DGKH: variants seen among roughly 807,000 people sequenced by gnomAD.
DGKH encodes DAG kinase eta.
In DGKH, 90 loss-of-function variants were observed where a neutral mutation model predicts 159.3. The observed-to-expected ratio is 0.57, with a 90% CI of 0.48 to 0.67. The LOEUF (loss-of-function observed/expected upper bound fraction) is 0.67. DGKH is among the 30% of genes least tolerant of loss of function. The pLI is 0.00. For synonymous variants in DGKH, 536 were observed against 553.8 expected, an observed-to-expected ratio of 0.97 and a Z score of 0.45; for missense variants, 1,181 against 1,506.1, an observed-to-expected ratio of 0.78 and a Z score of 3.57.
At chr13:42,203,797 C>T (rs760891660) in intron 20 of DGKH, among the ~76,000 whole-genome samples, 19 of 152,052 alleles carry the variant, frequency 1.2e-4, no homozygotes, top group Non-Finnish European at 2.4e-4. Flanking sequence ...GGCACCACTA[C>T]ATTCTATCCT....
At chr13:42,047,140 CCTCT>C (rs939229419), upstream of DGKH, among the ~76,000 whole-genome samples, 2 of 152,190 alleles carry the variant, frequency 1.3e-5, no homozygotes, top group Non-Finnish European at 2.9e-5. Flanking sequence ...GCAGAAATAG[CCTCT>C]CTGTTATTAT....
At position 42,168,526 on chromosome 13, in the gene DGKH, A is replaced by G. The variant is rs1251206151; in HGVS notation, c.1205A>G (p.Asp402Gly). 1.2e-6 allele frequency: 2 copies of G among 1,614,160 alleles called. No individual in the cohort carries two copies. Among genetic ancestry groups the G allele is most frequent in the Non-Finnish European group, 8.5e-7 (1 of 1,180,004 alleles). The stretch of plus-strand genomic sequence containing the variant: ...GTAGGTTGGGTTTTGTCAGAAATCG[A>G]TAAGCTCAACTTGAATAAACAGGCA... Reference protein sequence around the residue: ...GSVGWVLSEIDKLNLNKQCQL... With the variant: ...GSVGWVLSEIGKLNLNKQCQL... Residue 402 changes from aspartate to glycine, a missense_variant, in exon 10 of 30, where the codon GAT becomes GGT. By Grantham distance (94) the Asp-to-Gly change is moderately conservative. Around this residue, in one of 5 missense-constraint regions of DGKH, gnomAD observed 369 missense variants for 519.4 expected, o/e 0.71. Coordinates refer to ENST00000337343, the MANE Select transcript of DGKH (RefSeq NM_178009.5).
chr13:42,095,701 A>AAT (rs1218477657), intron 1 of DGKH, among the ~76,000 whole-genome samples: 1 of 152,198 alleles, frequency 6.6e-6, no homozygotes, highest in Non-Finnish European at 1.5e-5. Context: ...TATCTATGTG[A>AAT]ATATATATTT....
At chr13:42,097,710 A>G (rs1477636360) in intron 1 of DGKH, among the ~76,000 whole-genome samples, 2 of 152,180 alleles carry the variant, frequency 1.3e-5, no homozygotes, top group East Asian at 1.9e-4. Flanking sequence ...GACCCTCTCC[A>G]GAATAAACCT....
At chr13:42,045,858 T>C (rs7320701), upstream of DGKH, among the ~76,000 whole-genome samples, 27,503 of 152,220 alleles carry the variant, frequency 0.18, 2,682 homozygotes, top group East Asian at 0.31. Context: ...CCTTTTGTTA[T>C]GAGTAGTGAT....
rs776066333 is a variant in DGKH, at chr13:42,129,544, A to G, written c.304-8A>G. The G allele has an allele frequency of 9.3e-6, 15 of 1,606,160 alleles. No homozygotes were observed. The South Asian group carries it at 1.3e-4, about 14-fold the overall frequency. On this transcript the variant is annotated splice_polypyrimidine_tract_variant and splice_region_variant and intron_variant, in intron 2 of 29. Coordinates refer to ENST00000337343, the MANE Select transcript of DGKH (RefSeq NM_178009.5). ...CTAATGTCTTTGTATGTTTTTTTTCATTAACAGTCTCTGATATTTGATGAA... is the reference window on the plus strand; with the variant it reads ...CTAATGTCTTTGTATGTTTTTTTTCGTTAACAGTCTCTGATATTTGATGAA...
chr13:42,152,997 A>C (rs185516710), intron 3 of DGKH, among the ~76,000 whole-genome samples: 60 of 152,300 alleles, frequency 3.9e-4, no homozygotes, highest in African/African-American at 1.1e-3. Context: ...AAATCTAATC[A>C]GTAGATTTCT....
chr13:42,232,960 C>A lies in DGKH; in HGVS notation c.*3772C>A, dbSNP rs915039724. 3.4e-5 allele frequency: 5 copies of A among 149,218 alleles called. 1 individual carries two copies. The highest frequency in any genetic ancestry group is 2.8e-4 in the Admixed American group (4 of 14,496). The allele number at this position is 149,218 out of a possible 1,614,324, so 9.2% of individuals were successfully genotyped here. A position where few individuals can be genotyped will look rare whatever the true frequency, so the allele number is the denominator to read the frequency against. On this transcript the variant is annotated 3_prime_UTR_variant, in exon 30 of 30. Transcript: ENST00000337343. Reference sequence around the variant, plus strand: ...CCTCGGCAACATAGTGAGACCCTGTCTCTGAAAAAAAATTTTTTTAACTAG... The same window carrying A: ...CCTCGGCAACATAGTGAGACCCTGTATCTGAAAAAAAATTTTTTTAACTAG...
chr13:42,104,185 C>T (rs1201831540), intron 1 of DGKH, among the ~76,000 whole-genome samples: 1 of 152,160 alleles, frequency 6.6e-6, no homozygotes, highest in African/African-American at 2.4e-5. Context: ...ATATCCCAGT[C>T]CAAGGAAAGC....
Position 42,168,525 on chromosome 13 carries a change from G to A in DGKH, c.1204G>A (p.Asp402Asn). 6.2e-7 allele frequency: 1 copy of A among 1,614,108 alleles called. No individual in the cohort carries two copies. The highest frequency in any genetic ancestry group is 2.2e-5 in the East Asian group (1 of 44,882). Residue 402 changes from aspartate (D) to asparagine (N), a missense_variant, in exon 10 of 30, where the codon GAT becomes AAT. Transcript: ENST00000337343. The stretch of plus-strand genomic sequence containing the variant: ...TGTAGGTTGGGTTTTGTCAGAAATC[G>A]ATAAGCTCAACTTGAATAAACAGGC... ...GSVGWVLSEI[D>N]KLNLNKQCQL...
At chr13:42,219,945 T>A in intron 28 of DGKH, 151 bp downstream of exon 28, 1 of 621,922 alleles carries the variant, frequency 1.6e-6, no homozygotes, top group Non-Finnish European at 2.7e-6. Context: ...TTCTATGCTT[T>A]AAAATGGTTA....
intron 7 of DGKH, among the ~76,000 whole-genome samples, chr13:42,163,345 C>A (rs558426834): frequency 7.9e-4 from 120 of 152,176 alleles, no homozygotes; most frequent in Middle Eastern, 3.4e-3. Flanking sequence ...GTCTTTATAG[C>A]AGCATGATTT....
intron 24 of DGKH, 94 bp downstream of exon 24, chr13:42,210,859 T>C: frequency 8.8e-7 from 1 of 1,140,542 alleles, no homozygotes; most frequent in South Asian, 1.6e-5. Flanking sequence ...AGTAGTGGTA[T>C]CAAAAAGAGA....
chr13:42,109,844 A>T (rs532725142), intron 1 of DGKH, among the ~76,000 whole-genome samples: 3 of 152,334 alleles, frequency 2.0e-5, no homozygotes, highest in East Asian at 1.9e-4. Flanking sequence ...AGATATTTTT[A>T]AAAAATCTAC....
At chr13:42,076,359 C>G (rs1410911666) in intron 1 of DGKH, among the ~76,000 whole-genome samples, 1 of 152,156 alleles carries the variant, frequency 6.6e-6, no homozygotes, top group East Asian at 1.9e-4. Context: ...TGCAGCTGAT[C>G]TAAAGTAGTG....
intron 1 of DGKH, among the ~76,000 whole-genome samples, chr13:42,092,918 G>A (rs1428452253): frequency 2.6e-5 from 4 of 151,910 alleles, no homozygotes; most frequent in African/African-American, 9.7e-5. Context: ...TAAGAAGAAG[G>A]TATACAAATC....
chr13:42,048,676 G>A lies in DGKH; in HGVS notation c.-98G>A. ...AAACGGAAGATGGCGGCGGCGGCCG[G>A]GCACGGGGTTCCGGGCTCCGCTCGG... is the stretch of plus-strand genomic sequence containing the variant. On this transcript the variant is annotated 5_prime_UTR_variant, in exon 1 of 30. Coordinates refer to ENST00000337343, the MANE Select transcript of DGKH (RefSeq NM_178009.5). This position sits in a 1 kb window ranked among gnomAD's most constrained non-coding sequence, Gnocchi z 6.7. 2 of 1,210,278 alleles carry A rather than the reference G, an allele frequency of 1.7e-6. No homozygotes were observed. The highest frequency in any genetic ancestry group is 4.3e-5 in the South Asian group (1 of 23,354). The allele number at this position is 1,210,278 out of a possible 1,614,324, so 75.0% of individuals were successfully genotyped here.
intron 26 of DGKH, among the ~76,000 whole-genome samples, chr13:42,218,950 G>A (rs1957886306): frequency 6.6e-6 from 1 of 151,832 alleles, no homozygotes; most frequent in Admixed American, 6.6e-5. Context: ...CATTTACACA[G>A]AAAAAAACAC....
In DGKH at chr13:42,229,254, T is replaced by C; in HGVS notation, c.*66T>C. 7.1e-7 allele frequency: 1 copy of C among 1,415,272 alleles called. No individual in the cohort carries two copies. The allele number at this position is 1,415,272 out of a possible 1,614,324, so 87.7% of individuals were successfully genotyped here. A position where few individuals can be genotyped will look rare whatever the true frequency, so the allele number is the denominator to read the frequency against. The stretch of plus-strand genomic sequence containing the variant: ...TTAATACAAAGTCCTTGGAAGCAAG[T>C]GGCTGTTCTTGTAGTTTTCTGCATA... On this transcript the variant is annotated 3_prime_UTR_variant, in exon 30 of 30. Coordinates refer to ENST00000337343, the MANE Select transcript of DGKH (RefSeq NM_178009.5).
Sources: gnomAD v4.1 joint callset for allele counts (sites outside exome capture counted in the v4.1 genomes callset) on GRCh38, gnomAD v4.1.1 for gene constraint, gnomAD v4.1.1 regional missense constraint, Gnocchi (gnomAD v3.1) non-coding constraint, MANE v1.5 for transcripts, NCBI Gene and HGNC (gene_info 2026-07-23, HGNC 2026-07-21) for gene names.